GFPT1: variants seen among roughly 807,000 people sequenced by gnomAD.
The protein encoded by GFPT1 is glutamine--fructose-6-phosphate aminotransferase [isomerizing] 1.
In GFPT1, 40 loss-of-function variants were observed where a neutral mutation model predicts 92.0. The observed-to-expected ratio is 0.43, with a 90% CI of 0.34 to 0.57. The LOEUF (loss-of-function observed/expected upper bound fraction) is 0.57, where lower values mean the gene tolerates loss of function less well. GFPT1 is among the 20% of genes least tolerant of loss of function. The pLI, the probability that GFPT1 is intolerant of heterozygous loss-of-function variation, is 0.02. For synonymous variants in GFPT1, 269 were observed against 280.6 expected, an observed-to-expected ratio of 0.96 and a Z score of 0.41; for missense variants, 448 against 869.1, an observed-to-expected ratio of 0.52 and a Z score of 6.09.
chr2:69,321,960 T>A lies in GFPT1; in HGVS notation c.*4229A>T, dbSNP rs190736026. The A allele has an allele frequency of 8.5e-5, 13 of 152,306 alleles. No individual in the cohort carries two copies. The East Asian group carries it at 2.1e-3, about 25-fold the overall frequency. The allele number at this position is 152,306 out of a possible 1,614,324, so 9.4% of individuals were successfully genotyped here. On this transcript the variant is annotated 3_prime_UTR_variant, in exon 20 of 20. Transcript: ENST00000357308. ...TTATTTTAACCCTGGATATTATTGG[T>A]TTGAAGCTAATATTATCAGTCCTAT...
At chr2:69,335,181 AT>A (rs935178935) in intron 15 of GFPT1, among the ~76,000 whole-genome samples, 2 of 151,736 alleles carry the variant, frequency 1.3e-5, no homozygotes, top group Admixed American at 6.6e-5. Context: ...TAATTTTTGT[AT>A]TTTTTATAGA....
chr2:69,381,379 G>A (rs1297563268), intron 1 of GFPT1, among the ~76,000 whole-genome samples: 1 of 152,058 alleles, frequency 6.6e-6, no homozygotes, highest in East Asian at 1.9e-4. Context: ...AGCCTCAAGT[G>A]ATCCTCCCAC....
At chr2:69,352,624 A>AAAAG (rs1306432548) in intron 9 of GFPT1, among the ~76,000 whole-genome samples, 2 of 151,188 alleles carry the variant, frequency 1.3e-5, no homozygotes, top group African/African-American at 4.9e-5. Flanking sequence ...AAAAAAAAAA[A>AAAAG]AAAAAAAAAA....
At position 69,362,816 on chromosome 2, in the gene GFPT1, A is replaced by T. The variant is rs192974289; in HGVS notation, c.349+729T>A. 4.9e-3 allele frequency among the ~76,000 whole-genome samples: 740 copies of T among 152,160 alleles called. 10 individuals carry two copies. Among genetic ancestry groups the T allele is most frequent in the Admixed American group, 0.012 (180 of 15,264 alleles). ...GGTCTCAAAAAATAATAATAAAAAT[A>T]AAAAAAATGTTTCTAAAACATATTA... is the stretch of plus-strand genomic sequence containing the variant. On this transcript the variant is annotated intron_variant, in intron 4 of 19. Coordinates refer to ENST00000357308, the MANE Select transcript of GFPT1 (RefSeq NM_001244710.2).
intron 4 of GFPT1, among the ~76,000 whole-genome samples, chr2:69,361,102 T>C (rs953477515): frequency 2.0e-5 from 3 of 151,988 alleles, no homozygotes; most frequent in East Asian, 3.9e-4. Context: ...AACCAAATAA[T>C]AAACATTTTC....
intron 3 of GFPT1, among the ~76,000 whole-genome samples, chr2:69,365,422 A>C (rs2104669980): frequency 6.6e-6 from 1 of 152,350 alleles, no homozygotes; most frequent in South Asian, 2.1e-4. Flanking sequence ...CAGTGAGCTG[A>C]GATCATGCCA....
At position 69,323,708 on chromosome 2, in the gene GFPT1, G is replaced by C. The variant is rs1670467664; in HGVS notation, c.*2481C>G. 1 of 142,346 alleles carries C rather than the reference G, an allele frequency of 7.0e-6. No individual in the cohort carries two copies. The highest frequency in any genetic ancestry group is 7.2e-5 in the Admixed American group (1 of 13,922). 8.8% of individuals were successfully genotyped at this position (142,346 alleles called of 1,614,324 possible). A position where few individuals can be genotyped will look rare whatever the true frequency, so the allele number is the denominator to read the frequency against. On this transcript the variant is annotated 3_prime_UTR_variant, in exon 20 of 20. Transcript: ENST00000357308. The stretch of plus-strand genomic sequence containing the variant: ...TTTTTTTTTTTTTTGAGAGAGTCTT[G>C]CTCTGTCGCCAGGCTGGAGTGTAGT...
intron 4 of GFPT1, among the ~76,000 whole-genome samples, chr2:69,361,558 T>A (rs1300376044): frequency 4.6e-5 from 7 of 152,170 alleles, no homozygotes; most frequent in African/African-American, 1.2e-4. Flanking sequence ...AGATGTAAGT[T>A]TTCGGGAATC....
At chr2:69,347,907 T>C (rs949923202) in intron 11 of GFPT1, among the ~76,000 whole-genome samples, 1 of 152,250 alleles carries the variant, frequency 6.6e-6, no homozygotes, top group African/African-American at 2.4e-5. Flanking sequence ...TATTTTTATG[T>C]TTATAAAGTA....
intron 7 of GFPT1, among the ~76,000 whole-genome samples, chr2:69,355,431 A>C (rs1366331426): frequency 6.6e-6 from 1 of 152,078 alleles, no homozygotes; most frequent in East Asian, 1.9e-4. Context: ...ACAAATAAAA[A>C]TTGTATTAAA....
At chr2:69,385,638 C>T (rs888200083) in intron 1 of GFPT1, among the ~76,000 whole-genome samples, 1 of 151,714 alleles carries the variant, frequency 6.6e-6, no homozygotes, top group Admixed American at 6.6e-5. Flanking sequence ...TGAGGCACAC[C>T]CCTCATCATT....
At chr2:69,336,635 TAAA>T (rs60462236) in intron 15 of GFPT1, among the ~76,000 whole-genome samples, 2 of 140,272 alleles carry the variant, frequency 1.4e-5, no homozygotes, top group Non-Finnish European at 3.1e-5. Context: ...GACCCCATCT[TAAA>T]AAAAAAAAAA....
At chr2:69,339,404 T>C (rs754784440) in intron 13 of GFPT1, among the ~76,000 whole-genome samples, 3 of 152,214 alleles carry the variant, frequency 2.0e-5, no homozygotes, top group Non-Finnish European at 4.4e-5. Flanking sequence ...GCAGGGGGAA[T>C]GAAGTAGGGA....
intron 3 of GFPT1, among the ~76,000 whole-genome samples, chr2:69,369,388 A>G (rs1018509069): frequency 1.3e-5 from 2 of 152,156 alleles, no homozygotes; most frequent in African/African-American, 4.8e-5. Context: ...TTTTCAATCA[A>G]TCTACTTCAA....
intron 2 of GFPT1, 39 bp from the exon 3 acceptor site, chr2:69,370,147 T>G: frequency 8.5e-7 from 1 of 1,172,980 alleles, no homozygotes; most frequent in Non-Finnish European, 1.3e-6. Flanking sequence ...ATTTAGAAAC[T>G]GGCTACTGAT....
intron 9 of GFPT1, among the ~76,000 whole-genome samples, chr2:69,353,024 C>A (rs1166788892): frequency 6.6e-6 from 1 of 151,728 alleles, no homozygotes; most frequent in East Asian, 1.9e-4. Context: ...CCAGCCTGGG[C>A]AACAGAACAA....
In GFPT1 at chr2:69,355,983, C is replaced by CT. The variant is rs1157501841; in HGVS notation, c.605+512dup. Among the ~76,000 whole-genome samples the CT allele has an allele frequency of 2.8e-3, 211 of 75,612 alleles. 7 individuals are homozygous for CT. Among genetic ancestry groups the CT allele is most frequent in the South Asian group, 4.9e-3 (10 of 2,028 alleles). The allele number at this position is 75,612 out of a possible 152,430, so 49.6% of individuals were successfully genotyped here. ...TTAAATGCCAAAATATATTTGCTTTCTTTTTTTTTTTTTTTTTTTTTTTTT... is the reference window on the plus strand; with the variant it reads ...TTAAATGCCAAAATATATTTGCTTTCTTTTTTTTTTTTTTTTTTTTTTTTTT... On this transcript the variant is annotated intron_variant, in intron 7 of 19. Coordinates refer to ENST00000357308, the MANE Select transcript of GFPT1 (RefSeq NM_001244710.2).
In GFPT1 at chr2:69,354,717, T is replaced by TA. The variant is rs1310060927; in HGVS notation, c.606-150_606-149insT. ...ATAAGAACTAGATAAAAAGAATTTT[T>TA]TAAAAAAATCAGTATTGGGCCAGGT... On this transcript the variant is annotated intron_variant, in intron 7 of 19. Coordinates refer to ENST00000357308, the MANE Select transcript of GFPT1 (RefSeq NM_001244710.2). The TA allele has an allele frequency of 5.7e-5, 38 of 662,658 alleles. No individual in the cohort carries two copies. In the African/African-American group the frequency reaches 5.8e-4, roughly 10 times the overall value. 41.0% of individuals were successfully genotyped at this position (662,658 alleles called of 1,614,324 possible).
chr2:69,384,752 AAGAG>A (rs1330275897), intron 1 of GFPT1, among the ~76,000 whole-genome samples: 11 of 150,310 alleles, frequency 7.3e-5, no homozygotes, highest in Admixed American at 5.3e-4. Context: ...GAAAGAAAGA[AAGAG>A]AGAGAAAGAA....
Sources: allele counts gnomAD v4.1 joint callset (sites outside exome capture counted in the v4.1 genomes callset), GRCh38; gene constraint gnomAD v4.1.1; transcripts MANE v1.5; gene names NCBI Gene and HGNC (gene_info 2026-07-23, HGNC 2026-07-21).